PPP2R3A: variants seen among roughly 807,000 people sequenced by gnomAD.
PPP2R3A encodes serine/threonine-protein phosphatase 2A regulatory subunit B'' subunit alpha.
Under a neutral mutation model 106.9 loss-of-function variants are expected in PPP2R3A, and 80 were observed. The ratio of observed to expected loss-of-function variants is 0.75; its 90% CI spans 0.62 to 0.90. The LOEUF (loss-of-function observed/expected upper bound fraction) is 0.90, where lower values mean the gene tolerates loss of function less well. Ranked by LOEUF, PPP2R3A falls within the 40% of genes least tolerant of loss-of-function variation. PPP2R3A has a pLI of 0.00. For synonymous variants in PPP2R3A, 483 were observed against 468.3 expected, an observed-to-expected ratio of 1.03 and a Z score of -0.41; for missense variants, 1,386 against 1,350.4, an observed-to-expected ratio of 1.03 and a Z score of -0.41.
intron 4 of PPP2R3A, among the ~76,000 whole-genome samples, chr3:136,047,902 C>A (rs1417974397): frequency 1.4e-5 from 2 of 147,898 alleles, no homozygotes; most frequent in Non-Finnish European, 1.5e-5. Context: ...GAGACTCCGT[C>A]TCAAAAAAAA....
rs1936994452 is a variant in PPP2R3A, at chr3:136,087,872, T to A, written c.2789-11T>A. On this transcript the variant is annotated splice_polypyrimidine_tract_variant and intron_variant, in intron 8 of 13. Coordinates refer to ENST00000264977, the MANE Select transcript of PPP2R3A (RefSeq NM_002718.5). ...AACTAGCTTTGCAATTTTTTTTTTATCTACATTTAGCTTCATCAAGCAGGA... is the reference window on the plus strand; with the variant it reads ...AACTAGCTTTGCAATTTTTTTTTTAACTACATTTAGCTTCATCAAGCAGGA... The A allele has an allele frequency of 6.3e-7, 1 of 1,598,622 alleles. No individual in the cohort carries two copies. The highest frequency in any genetic ancestry group is 1.1e-5 in the South Asian group (1 of 88,622).
intron 1 of PPP2R3A, among the ~76,000 whole-genome samples, chr3:135,966,528 C>T (rs1160457576): frequency 1.3e-5 from 2 of 152,200 alleles, no homozygotes; most frequent in African/African-American, 4.8e-5. Context: ...GAGGGGCGTT[C>T]TCCTGGGGGA....
rs149447400 is a variant in PPP2R3A at position 136,111,988 on chromosome 3, C to T, written c.3329+5666C>T. On this transcript the variant is annotated intron_variant, in intron 13 of 13. Transcript: ENST00000264977. Reference sequence around the variant, plus strand: ...TTCCTGGGATACGAGGTTGGTTCAACATATGCAAACCAATAAATGCAATTC... The same window carrying T: ...TTCCTGGGATACGAGGTTGGTTCAATATATGCAAACCAATAAATGCAATTC... Among the ~76,000 whole-genome samples, 745 of 152,180 alleles carry T rather than the reference C, an allele frequency of 4.9e-3. 6 individuals carry two copies. Among genetic ancestry groups the T allele is most frequent in the African/African-American group, 0.017 (707 of 41,530 alleles).
At position 136,145,998 on chromosome 3, in the gene PPP2R3A, T is replaced by G. The variant is rs1386728103; in HGVS notation, c.*832T>G. The G allele has an allele frequency of 6.6e-6, 1 of 152,198 alleles. No individual in the cohort carries two copies. The highest frequency in any genetic ancestry group is 1.5e-5 in the Non-Finnish European group (1 of 68,034). 9.4% of individuals were successfully genotyped at this position (152,198 alleles called of 1,614,324 possible). A position where few individuals can be genotyped will look rare whatever the true frequency, so the allele number is the denominator to read the frequency against. On this transcript the variant is annotated 3_prime_UTR_variant, in exon 14 of 14. Transcript: ENST00000264977. Reference sequence around the variant, plus strand: ...TTTCACTTCCTATCAGAAGGCCTGCTTGAAGACATAAAGGAATAATGATAC... The same window carrying G: ...TTTCACTTCCTATCAGAAGGCCTGCGTGAAGACATAAAGGAATAATGATAC...
chr3:135,974,517 G>C (rs953578548), intron 1 of PPP2R3A, among the ~76,000 whole-genome samples: 5 of 152,150 alleles, frequency 3.3e-5, no homozygotes, highest in Non-Finnish European at 4.4e-5. Flanking sequence ...TTGTCTTTCT[G>C]ACCTCATCTG....
At chr3:135,994,376 A>G (rs989655108) in intron 1 of PPP2R3A, among the ~76,000 whole-genome samples, 2 of 152,156 alleles carry the variant, frequency 1.3e-5, no homozygotes, top group African/African-American at 4.8e-5. Flanking sequence ...CAGCACATCA[A>G]CTTTCTATCT....
intron 5 of PPP2R3A, among the ~76,000 whole-genome samples, chr3:136,064,141 A>G (rs901571427): frequency 2.6e-5 from 4 of 151,912 alleles, no homozygotes; most frequent in Non-Finnish European, 5.9e-5. Flanking sequence ...GCTGGAAACC[A>G]TCATTCTGAG....
Position 136,002,853 on chromosome 3 carries a change from C to T in PPP2R3A, c.1355C>T (p.Pro452Leu). The stretch of plus-strand genomic sequence containing the variant: ...GTAAATGAACATAGAGCAGAATTTC[C>T]AGAACATGCTACTCATCTTAAAAAA... ...LKVNEHRAEFPEHATHLKKCP... is the reference protein window; with the variant it reads ...LKVNEHRAEFLEHATHLKKCP... The change falls in exon 2 of 14, where the codon CCA (proline) becomes CTA (leucine). Residue 452 changes from proline (P) to leucine (L), a missense_variant. By Grantham distance (98) the Pro-to-Leu change is moderately conservative. Transcript: ENST00000264977. 1 of 1,613,880 alleles carries T rather than the reference C, an allele frequency of 6.2e-7. No individual in the cohort carries two copies. Among genetic ancestry groups the T allele is most frequent in the Non-Finnish European group, 8.5e-7 (1 of 1,179,906 alleles).
intron 1 of PPP2R3A, among the ~76,000 whole-genome samples, chr3:135,991,152 T>C (rs1321529947): frequency 6.6e-6 from 1 of 152,174 alleles, no homozygotes; most frequent in African/African-American, 2.4e-5. Flanking sequence ...ATGTATCCAC[T>C]GTCCTGCCCG....
At position 136,114,121 on chromosome 3, in the gene PPP2R3A, C is replaced by T. The variant is rs111885645; in HGVS notation, c.3329+7799C>T. Among the ~76,000 whole-genome samples the T allele has an allele frequency of 9.9e-5, 15 of 152,164 alleles. No homozygotes were observed. In the South Asian group the frequency reaches 1.5e-3, roughly 15 times the overall value. The stretch of plus-strand genomic sequence containing the variant: ...TAGGTGCAGCCCATGGAGGGTGACC[C>T]GAAGCAGGGTGGGGCATCGCCTCAC... On this transcript the variant is annotated intron_variant, in intron 13 of 13. Coordinates refer to ENST00000264977, the MANE Select transcript of PPP2R3A (RefSeq NM_002718.5).
rs775540572 is a variant in PPP2R3A, at chr3:135,993,111, G to A, written c.-440-7948G>A. 4.5e-4 allele frequency among the ~76,000 whole-genome samples: 69 copies of A among 152,146 alleles called. No individual in the cohort carries two copies. In the Middle Eastern group the frequency reaches 0.01, roughly 23 times the overall value. On this transcript the variant is annotated intron_variant, in intron 1 of 13. Coordinates refer to ENST00000264977, the MANE Select transcript of PPP2R3A (RefSeq NM_002718.5). The stretch of plus-strand genomic sequence containing the variant: ...ATTGGATTGATGAAATTAACTTACA[G>A]AATTAAAACCTCCTACTCTTCAAAA...
intron 2 of PPP2R3A, 89 bp downstream of exon 2, chr3:136,003,582 A>G (rs753622644): frequency 3.1e-6 from 4 of 1,274,522 alleles, no homozygotes; most frequent in Admixed American, 2.6e-5. Flanking sequence ...TTTGTTAGCC[A>G]TTTTTTGTTC....
At chr3:136,033,702 T>G (rs1175437718) in intron 3 of PPP2R3A, among the ~76,000 whole-genome samples, 1 of 152,198 alleles carries the variant, frequency 6.6e-6, no homozygotes, top group Non-Finnish European at 1.5e-5. Flanking sequence ...TGAATGATCT[T>G]CTGTATTTCT....
chr3:135,975,626 CT>C (rs1181791799), intron 1 of PPP2R3A, among the ~76,000 whole-genome samples: 3 of 152,118 alleles, frequency 2.0e-5, no homozygotes, highest in African/African-American at 4.8e-5. Flanking sequence ...GGCTTTTCCC[CT>C]GATGCTGAAC....
intron 2 of PPP2R3A, among the ~76,000 whole-genome samples, chr3:136,012,517 G>T (rs1934119523): frequency 6.6e-6 from 1 of 152,060 alleles, no homozygotes; most frequent in African/African-American, 2.4e-5. Flanking sequence ...TGAAGTCAAG[G>T]CTAGAGAATT....
intron 2 of PPP2R3A, among the ~76,000 whole-genome samples, chr3:136,021,541 G>T (rs1934465901): frequency 6.6e-6 from 1 of 152,120 alleles, no homozygotes; most frequent in Non-Finnish European, 1.5e-5. Context: ...GTAGGAAACA[G>T]TGGAAAACCA....
chr3:136,140,524 G>A (rs918646293), intron 13 of PPP2R3A, among the ~76,000 whole-genome samples: 16 of 151,600 alleles, frequency 1.1e-4, no homozygotes, highest in African/African-American at 3.2e-4. Context: ...CGAGGCGGGC[G>A]GATCACCTGA....
At chr3:136,136,125 G>C (rs1369627987) in intron 13 of PPP2R3A, among the ~76,000 whole-genome samples, 3 of 139,064 alleles carry the variant, frequency 2.2e-5, no homozygotes, top group African/African-American at 5.7e-5. Context: ...CATGAAATTT[G>C]AAGTTAGACG....
At chr3:136,004,385 G>T (rs1466801855) in intron 2 of PPP2R3A, among the ~76,000 whole-genome samples, 1 of 152,142 alleles carries the variant, frequency 6.6e-6, no homozygotes. Context: ...GCTGCCCATT[G>T]ACCCATCTAG....
Sources: gnomAD v4.1 joint callset for allele counts (sites outside exome capture counted in the v4.1 genomes callset) on GRCh38, gnomAD v4.1.1 for gene constraint, MANE v1.5 for transcripts, NCBI Gene and HGNC (gene_info 2026-07-23, HGNC 2026-07-21) for gene names.